Variants in VPS13C observed in about 807,000 individuals in gnomAD.
The protein encoded by VPS13C is vacuolar protein sorting 13 homolog C, also known as intermembrane lipid transfer protein VPS13C.
VPS13C carries 358 observed loss-of-function variants against 456.8 expected under a neutral mutation model. The ratio of observed to expected loss-of-function variants is 0.78; its 90% CI spans 0.72 to 0.86. The LOEUF is 0.86. VPS13C is among the 40% of genes least tolerant of loss of function. The pLI is 0.00. For synonymous variants in VPS13C, 1,578 were observed against 1,486.7 expected (o/e 1.06, Z -1.41); for missense variants, 4,818 against 4,385.4 (o/e 1.10, Z -2.79).
intron 81 of VPS13C, chr15:61,864,633 C>T (rs1894418721): frequency 2.0e-6 from 2 of 985,242 alleles, no homozygotes; most frequent in Non-Finnish European, 1.2e-6. Flanking sequence ...TTTAAAGTTG[C>T]TTGGTACCTA....
chr15:62,048,866 A>G (rs936745708), intron 1 of VPS13C, among the ~76,000 whole-genome samples: 35 of 152,056 alleles, frequency 2.3e-4, no homozygotes, highest in African/African-American at 8.4e-4. Context: ...GATGATGAGC[A>G]TTTTTTCATG....
At position 61,913,394 on chromosome 15, in the gene VPS13C, T is replaced by G; in HGVS notation, c.8467A>C (p.Ser2823Arg). 1 of 1,614,044 alleles carries G rather than the reference T, an allele frequency of 6.2e-7. No homozygotes were observed. Among genetic ancestry groups the G allele is most frequent in the Non-Finnish European group, 8.5e-7 (1 of 1,179,948 alleles). Residue 2823 changes from serine (S) to arginine (R), a missense_variant, in exon 62 of 85, where the codon AGT becomes CGT. By Grantham distance (110) the Ser-to-Arg change is moderately radical. This residue lies in a region of VPS13C where 4,552 missense variants were observed against 4,130.6 expected (regional missense o/e 1.10). Transcript: ENST00000644861. ...KNKVQLKIST[S>R]AWSSSFSLDT... ...AATGAGAAACTACTGGACCAGGCAC[T>G]GGTTGAAATTTTTAATTGTACCTAT...
intron 66 of VPS13C, among the ~76,000 whole-genome samples, chr15:61,905,875 T>C (rs546826751): frequency 7.4e-4 from 113 of 152,192 alleles, no homozygotes; most frequent in African/African-American, 2.6e-3. Flanking sequence ...TTACACTTCA[T>C]TTTGCTGTCT....
rs192891641 is a variant in VPS13C, at chr15:61,960,973, C to T, written c.3908+616G>A. 3.3e-5 allele frequency among the ~76,000 whole-genome samples: 5 copies of T among 151,578 alleles called. No homozygotes were observed. The East Asian group carries it at 9.7e-4, about 30-fold the overall frequency. ...GCACGTGCCTATAGTCCCAGTTACT[C>T]AGGAGGCTGAGGCAGGAGAATCACT... On this transcript the variant is annotated intron_variant, in intron 35 of 84. Transcript: ENST00000644861.
At position 61,880,617 on chromosome 15, in the gene VPS13C, G is replaced by A. The variant is rs1359075355; in HGVS notation, c.9994C>T (p.Pro3332Ser). 2 of 1,561,572 alleles carry A rather than the reference G, an allele frequency of 1.3e-6. No homozygotes were observed. Among genetic ancestry groups the A allele is most frequent in the African/African-American group, 1.4e-5 (1 of 72,000 alleles). ...TAATAATTACAACAAACCTTCACAG[G>A]AGAAATATGGAAATGTTCAAAGAAA... ...LSFFEHFHIS[P>S]VKLHLSLSLG... is the part of the protein sequence containing the mutation. The change falls in exon 73 of 85, where the codon CCT (proline) becomes TCT (serine). Residue 3332 changes from proline (P) to serine (S), a missense_variant. Around this residue, in one of 3 missense-constraint regions of VPS13C, gnomAD observed 4,552 missense variants for 4,130.6 expected, o/e 1.10. Coordinates refer to ENST00000644861, the MANE Select transcript of VPS13C (RefSeq NM_020821.3).
intron 23 of VPS13C, 135 bp downstream of exon 23, chr15:61,978,491 G>T (rs2045778272): frequency 1.3e-5 from 14 of 1,080,354 alleles, no homozygotes. Context: ...GTCCTACATG[G>T]TTTATTTAAG....
At chr15:61,877,423 A>G (rs1326696946) in intron 74 of VPS13C, among the ~76,000 whole-genome samples, 1 of 76,424 alleles carries the variant, frequency 1.3e-5, no homozygotes, top group Non-Finnish European at 3.9e-5. Context: ...GTATTTCTCT[A>G]TGTTATTTAA....
At chr15:61,907,235 A>G in intron 66 of VPS13C, 29 bp downstream of exon 66, 1 of 1,612,906 alleles carries the variant, frequency 6.2e-7, no homozygotes, top group Non-Finnish European at 8.5e-7. Flanking sequence ...CAGGTAACTC[A>G]TATAGCACTC....
rs1050205962 is a variant in VPS13C at position 61,941,896 on chromosome 15, G to A, written c.5320C>T (p.Pro1774Ser). 14 of 1,613,866 alleles carry A rather than the reference G, an allele frequency of 8.7e-6. No homozygotes were observed. Among genetic ancestry groups the A allele is most frequent in the African/African-American group, 4.0e-5 (3 of 74,906 alleles). Residue 1774 changes from proline to serine, a missense_variant, in exon 46 of 85, where the codon CCT (proline) becomes TCT (serine). Pro to Ser is a moderately conservative substitution (Grantham distance 74). This residue lies in a region of VPS13C where 4,552 missense variants were observed against 4,130.6 expected (regional missense o/e 1.10). Transcript: ENST00000644861. ...CCCAGATCTGCTATAACAGCATTAG[G>A]TGATACTGAAGACTGAGGAATAATA... ...VIIIPQSSVS[P>S]NAVIADLGLI... is the part of the protein sequence containing the mutation.
chr15:61,972,162 C>A (rs1022083297), intron 27 of VPS13C, among the ~76,000 whole-genome samples: 1 of 151,962 alleles, frequency 6.6e-6, no homozygotes, highest in African/African-American at 2.4e-5. Context: ...AATGACATAC[C>A]GTGAACATCT....
rs1235732495 is a variant in VPS13C at position 61,858,198 on chromosome 15, C to G, written c.10953-1789G>C. On this transcript the variant is annotated intron_variant, in intron 82 of 84. Coordinates refer to ENST00000644861, the MANE Select transcript of VPS13C (RefSeq NM_020821.3). The surrounding 1 kb of genome is among the most constrained non-coding windows in gnomAD (Gnocchi z 4.4). The stretch of plus-strand genomic sequence containing the variant: ...ACCGTTCTCCTTCCACCTAGAATGT[C>G]TCCTTCATTTTCTTCCTCTTGCACC... Among the ~76,000 whole-genome samples, 1 of 152,154 alleles carries G rather than the reference C, an allele frequency of 6.6e-6. No individual in the cohort carries two copies. The highest frequency in any genetic ancestry group is 2.4e-5 in the African/African-American group (1 of 41,428).
intron 1 of VPS13C, among the ~76,000 whole-genome samples, chr15:62,048,379 T>A (rs905742540): frequency 4.6e-5 from 7 of 151,474 alleles, no homozygotes; most frequent in African/African-American, 1.5e-4. Context: ...TTGCGATAGT[T>A]TACTGAGAAT....
In VPS13C at chr15:62,006,672, A is replaced by G. The variant is rs531142598; in HGVS notation, c.1290+636T>C. Among the ~76,000 whole-genome samples the G allele has an allele frequency of 5.9e-5, 9 of 152,312 alleles. No homozygotes were observed. In the East Asian group the frequency reaches 1.5e-3, roughly 26 times the overall value. ...ATTTCTAGTTCTGGATCCCTGAGGA[A>G]TCGCCACACTGACTTCCACAATGGT... On this transcript the variant is annotated intron_variant, in intron 15 of 84. Coordinates refer to ENST00000644861, the MANE Select transcript of VPS13C (RefSeq NM_020821.3).
At chr15:62,002,535 T>G (rs1301990812) in intron 15 of VPS13C, among the ~76,000 whole-genome samples, 1 of 152,220 alleles carries the variant, frequency 6.6e-6, no homozygotes, top group Non-Finnish European at 1.5e-5. Flanking sequence ...TAGATCCCAC[T>G]TGTCTATTTT....
chr15:62,044,622 C>G (rs577329778), intron 1 of VPS13C, among the ~76,000 whole-genome samples: 1 of 152,228 alleles, frequency 6.6e-6, no homozygotes, highest in Non-Finnish European at 1.5e-5. Context: ...ATTACAAGGT[C>G]AGATCAATCA....
chr15:61,995,519 C>T (rs922175222), intron 16 of VPS13C, among the ~76,000 whole-genome samples: 2 of 152,160 alleles, frequency 1.3e-5, no homozygotes, highest in Non-Finnish European at 2.9e-5. Flanking sequence ...ATGTTATATA[C>T]ACAAGACTTT....
Position 62,060,375 on chromosome 15 carries a change from G to T in VPS13C, c.-1C>A. ...CCGCGACCACCGACTCCAGCACCAT[G>T]GTGGCGCTGAGGCACAAGGAGAGGG... is the stretch of plus-strand genomic sequence containing the variant. On this transcript the variant is annotated 5_prime_UTR_variant, in exon 1 of 85. Coordinates refer to ENST00000644861, the MANE Select transcript of VPS13C (RefSeq NM_020821.3). 1 of 1,561,774 alleles carries T rather than the reference G, an allele frequency of 6.4e-7. No homozygotes were observed. Among genetic ancestry groups the T allele is most frequent in the Non-Finnish European group, 8.7e-7 (1 of 1,147,248 alleles).
Position 61,934,257 on chromosome 15 carries a change from A to T in VPS13C, c.5830T>A (p.Ser1944Thr), listed in dbSNP as rs1399433454. ...TTGTTATAAAGGATAATGGAAAGAG[A>T]TTCAAAGTGAAAGTCAAATTGGAGA... ...VSLQFDFHFE[S>T]LSIILYNNDI... Residue 1944 changes from serine to threonine, a missense_variant, in exon 49 of 85, where the codon TCT (serine) becomes ACT (threonine). Ser to Thr is a moderately conservative substitution (Grantham distance 58). Transcript: ENST00000644861. The T allele has an allele frequency of 6.3e-7, 1 of 1,598,156 alleles. No homozygotes were observed. The highest frequency in any genetic ancestry group is 8.5e-7 in the Non-Finnish European group (1 of 1,171,200).
intron 27 of VPS13C, among the ~76,000 whole-genome samples, chr15:61,970,599 C>T (rs1186689177): frequency 6.6e-6 from 1 of 152,078 alleles, no homozygotes; most frequent in Non-Finnish European, 1.5e-5. Flanking sequence ...AGTTCAAGAC[C>T]AGCCTGGGCA....
Sources: gnomAD v4.1 joint callset for allele counts (sites outside exome capture counted in the v4.1 genomes callset) on GRCh38, gnomAD v4.1.1 for gene constraint, gnomAD v4.1.1 regional missense constraint, Gnocchi (gnomAD v3.1) non-coding constraint, MANE v1.5 for transcripts, NCBI Gene and HGNC (gene_info 2026-07-23, HGNC 2026-07-21) for gene names.